Variants in MACROD2 observed in about 807,000 individuals in gnomAD.
MACROD2 encodes mono-ADP ribosylhydrolase 2.
A neutral mutation model predicts 70.4 loss-of-function variants in MACROD2; 36 were observed. The observed-to-expected ratio is 0.51, with a 90% CI of 0.39 to 0.68. MACROD2 has a LOEUF of 0.68. Among genes scored for constraint, MACROD2 ranks in the 30% least tolerant of loss-of-function variants. MACROD2 has a pLI of 0.00. For synonymous variants in MACROD2, 172 were observed against 178.8 expected (o/e 0.96, Z 0.30); for missense variants, 496 against 538.4 (o/e 0.92, Z 0.78).
intron 4 of MACROD2, among the ~76,000 whole-genome samples, chr20:14,615,300 C>T (rs528340465): frequency 1.3e-5 from 2 of 152,140 alleles, no homozygotes; most frequent in African/African-American, 4.8e-5. Context: ...CAGTTCTTCC[C>T]CGGATAGGGG....
At chr20:15,598,153 A>G (rs1379615502) in intron 8 of MACROD2, among the ~76,000 whole-genome samples, 1 of 152,232 alleles carries the variant, frequency 6.6e-6, no homozygotes, top group Non-Finnish European at 1.5e-5. Flanking sequence ...ACCTATGAAA[A>G]GCACCAGCTG....
intron 3 of MACROD2, among the ~76,000 whole-genome samples, chr20:14,402,792 T>A (rs2083651651): frequency 6.6e-6 from 1 of 152,188 alleles, no homozygotes; most frequent in Non-Finnish European, 1.5e-5. Flanking sequence ...AAAAACAGTT[T>A]CAGAGTCTTG....
chr20:14,237,399 A>G (rs897506143), intron 3 of MACROD2, among the ~76,000 whole-genome samples: 2 of 151,944 alleles, frequency 1.3e-5, no homozygotes, highest in Non-Finnish European at 2.9e-5. Flanking sequence ...CTATGAGACA[A>G]ATGATTCATC....
intron 4 of MACROD2, among the ~76,000 whole-genome samples, chr20:14,562,779 C>T (rs1205485480): frequency 6.6e-6 from 1 of 151,820 alleles, no homozygotes; most frequent in Non-Finnish European, 1.5e-5. Flanking sequence ...TGTTTCCATC[C>T]TTTCTCATTC....
chr20:14,536,016 T>C (rs1425015555), intron 4 of MACROD2, among the ~76,000 whole-genome samples: 1 of 152,112 alleles, frequency 6.6e-6, no homozygotes, highest in South Asian at 2.1e-4. Context: ...GGGAAATGTA[T>C]CATGGTTTGA....
At chr20:15,564,714 G>T (rs1334781725) in intron 8 of MACROD2, among the ~76,000 whole-genome samples, 1 of 152,154 alleles carries the variant, frequency 6.6e-6, no homozygotes. Context: ...TTGCAAGAAT[G>T]CTGGAGAGAA....
At chr20:14,241,389 A>AT (rs1301870294) in intron 3 of MACROD2, among the ~76,000 whole-genome samples, 7 of 152,018 alleles carry the variant, frequency 4.6e-5, no homozygotes, top group South Asian at 2.1e-4. Flanking sequence ...TTGGTGTGTG[A>AT]TTTTTTTTAT....
intron 5 of MACROD2, chr20:14,894,081 T>G (rs990207086): frequency 3.3e-5 from 5 of 152,104 alleles, no homozygotes; most frequent in African/African-American, 9.7e-5. Flanking sequence ...CCACCATGTC[T>G]GGCTGTTATT....
intron 8 of MACROD2, among the ~76,000 whole-genome samples, chr20:15,602,099 G>T (rs555344934): frequency 6.6e-6 from 1 of 152,222 alleles, no homozygotes; most frequent in South Asian, 2.1e-4. Context: ...CGTGATGGAT[G>T]CCAGGATACA....
intron 8 of MACROD2, among the ~76,000 whole-genome samples, chr20:15,805,693 C>G (rs1229537270): frequency 6.6e-6 from 1 of 152,128 alleles, no homozygotes; most frequent in Admixed American, 6.5e-5. Context: ...TAAGGCTGGT[C>G]TCAAACTCCT....
At position 15,862,839 on chromosome 20, in the gene MACROD2, ACTT is replaced by A. The variant is rs2064443316; in HGVS notation, c.727+17_727+19del. On this transcript the variant is annotated intron_variant, in intron 9 of 17. Coordinates refer to ENST00000684519, the MANE Select transcript of MACROD2 (RefSeq NM_001351661.2). ...TTTTTCTCCGTAGGTGAGTAAAGCA[ACTT>A]CTTGTTTTCTTTCAAATTGAGGATG... is the stretch of plus-strand genomic sequence containing the variant. 1.3e-6 allele frequency: 2 copies of A among 1,584,938 alleles called. No homozygotes were observed. Among genetic ancestry groups the A allele is most frequent in the Non-Finnish European group, 1.7e-6 (2 of 1,160,088 alleles).
At chr20:15,516,208 A>G (rs890609205) in intron 8 of MACROD2, among the ~76,000 whole-genome samples, 5 of 152,122 alleles carry the variant, frequency 3.3e-5, no homozygotes, top group African/African-American at 1.2e-4. Context: ...AAAGATGTCA[A>G]TGTTTTCATT....
intron 5 of MACROD2, among the ~76,000 whole-genome samples, chr20:14,764,039 A>G (rs991412306): frequency 6.6e-6 from 1 of 151,916 alleles, no homozygotes; most frequent in Non-Finnish European, 1.5e-5. Flanking sequence ...GATCACTTAT[A>G]TCCCTTCTCT....
chr20:14,422,966 C>G (rs1392623915), intron 3 of MACROD2, among the ~76,000 whole-genome samples: 1 of 152,180 alleles, frequency 6.6e-6, no homozygotes, highest in Non-Finnish European at 1.5e-5. Context: ...TAAAAAACAG[C>G]CTTAGCTTTT....
intron 8 of MACROD2, among the ~76,000 whole-genome samples, chr20:15,788,610 A>G (rs555367721): frequency 3.9e-5 from 6 of 152,314 alleles, no homozygotes; most frequent in African/African-American, 1.4e-4. Context: ...GATTTCCCCA[A>G]CATAGCAGGA....
At chr20:14,704,111 T>A (rs2071239494) in intron 5 of MACROD2, among the ~76,000 whole-genome samples, 2 of 152,084 alleles carry the variant, frequency 1.3e-5, no homozygotes, top group Admixed American at 1.3e-4. Flanking sequence ...AATGAAGAAT[T>A]TTTGGTAGTA....
At chr20:14,554,313 G>C (rs1978875213) in intron 4 of MACROD2, 1 of 152,136 alleles carries the variant, frequency 6.6e-6, no homozygotes, top group Non-Finnish European at 1.5e-5. Flanking sequence ...GGCGTGGTCA[G>C]GCTAGATGAG....
At chr20:14,278,581 T>C (rs950499159) in intron 3 of MACROD2, among the ~76,000 whole-genome samples, 1 of 152,226 alleles carries the variant, frequency 6.6e-6, no homozygotes, top group Non-Finnish European at 1.5e-5. Flanking sequence ...TGCGAAAACA[T>C]GTGGTTGGTA....
At chr20:14,265,142 G>C (rs1163824763) in intron 3 of MACROD2, among the ~76,000 whole-genome samples, 5 of 152,170 alleles carry the variant, frequency 3.3e-5, no homozygotes, top group African/African-American at 1.2e-4. Flanking sequence ...CATAACCTTA[G>C]GGTCCAGTTT....
Sources: gnomAD v4.1 joint callset for allele counts (sites outside exome capture counted in the v4.1 genomes callset) on GRCh38, gnomAD v4.1.1 for gene constraint, MANE v1.5 for transcripts, NCBI Gene and HGNC (gene_info 2026-07-23, HGNC 2026-07-21) for gene names.